Variants in PEAK1 observed in about 807,000 individuals in gnomAD.
The protein encoded by PEAK1 is pseudopodium enriched atypical kinase 1, also known as inactive tyrosine-protein kinase PEAK1.
PEAK1 carries 54 observed loss-of-function variants against 124.7 expected under a neutral mutation model. The ratio of observed to expected loss-of-function variants is 0.43; its 90% CI spans 0.35 to 0.54. The LOEUF is 0.54. Among genes scored for constraint, PEAK1 ranks in the 20% least tolerant of loss-of-function variants. PEAK1 has a pLI of 0.01. For synonymous variants in PEAK1, 719 were observed against 760.0 expected, an observed-to-expected ratio of 0.95 and a Z score of 0.89; for missense variants, 2,046 against 2,134.5, an observed-to-expected ratio of 0.96 and a Z score of 0.82.
chr15:77,388,005 T>C (rs1335030677), intron 1 of PEAK1, among the ~76,000 whole-genome samples: 1 of 151,946 alleles, frequency 6.6e-6, no homozygotes, highest in Admixed American at 6.6e-5. Flanking sequence ...TGTTAGCAAG[T>C]GGGTATACTT....
intron 1 of PEAK1, among the ~76,000 whole-genome samples, chr15:77,376,513 A>G (rs1233289286): frequency 1.3e-5 from 2 of 152,158 alleles, no homozygotes; most frequent in Non-Finnish European, 2.9e-5. Flanking sequence ...CTCCTAAGAG[A>G]AGGTCTAACA....
chr15:77,327,476 T>C (rs2153027120), intron 2 of PEAK1, among the ~76,000 whole-genome samples: 1 of 152,186 alleles, frequency 6.6e-6, no homozygotes, highest in African/African-American at 2.4e-5. Flanking sequence ...AACACTCATA[T>C]TTCATGTAAA....
In PEAK1 at chr15:77,148,815, G is replaced by A. The variant is rs535715620; in HGVS notation, c.3331+9688C>T. Among the ~76,000 whole-genome samples the A allele has an allele frequency of 6.8e-4, 103 of 152,170 alleles. 1 individual carries two copies. Among genetic ancestry groups the A allele is most frequent in the African/African-American group, 2.4e-3 (101 of 41,524 alleles). ...TGCACGCCTGTAGACCCAGCTACTC[G>A]GGAGGCTGGGAAGGGAGGACTGCTT... On this transcript the variant is annotated intron_variant, in intron 8 of 9. Transcript: ENST00000682557.
intron 1 of PEAK1, among the ~76,000 whole-genome samples, chr15:77,395,376 G>A (rs1376430823): frequency 1.3e-5 from 2 of 152,104 alleles, no homozygotes; most frequent in Non-Finnish European, 2.9e-5. Context: ...GAGAGGGGCA[G>A]GGATAGAAAG....
chr15:77,122,010 C>G (rs1328290003), intron 9 of PEAK1, among the ~76,000 whole-genome samples: 1 of 152,194 alleles, frequency 6.6e-6, no homozygotes, highest in South Asian at 2.1e-4. Context: ...AGAATACAGG[C>G]TGATCAGTGA....
chr15:77,298,197 A>ATTATTTTTTTTTT (rs2063601443), intron 2 of PEAK1, among the ~76,000 whole-genome samples: 2 of 37,804 alleles, frequency 5.3e-5, no homozygotes, highest in African/African-American at 2.7e-4. Context: ...GGTATCCTTA[A>ATTATTTTTTTTTT]TTTTTTTTTT....
At chr15:77,336,725 T>C (rs2066223863) in intron 2 of PEAK1, among the ~76,000 whole-genome samples, 1 of 152,164 alleles carries the variant, frequency 6.6e-6, no homozygotes, top group Non-Finnish European at 1.5e-5. Flanking sequence ...TAATGGCACA[T>C]GGAGTTGAAT....
chr15:77,324,704 A>T (rs1053150022), intron 2 of PEAK1, among the ~76,000 whole-genome samples: 1 of 152,166 alleles, frequency 6.6e-6, no homozygotes, highest in East Asian at 1.9e-4. Context: ...ACATGGCAAA[A>T]GCAGGAGCAA....
At chr15:77,335,698 C>G (rs2066157143) in intron 2 of PEAK1, 1 of 869,974 alleles carries the variant, frequency 1.1e-6, no homozygotes, top group African/African-American at 1.8e-5. Context: ...CCCATGTTGC[C>G]CAGGCTGGTC....
At chr15:77,225,629 A>ATGTGTG (rs146458404) in intron 6 of PEAK1, among the ~76,000 whole-genome samples, 8,647 of 115,646 alleles carry the variant, frequency 0.075, 404 homozygotes, top group Non-Finnish European at 0.1. Flanking sequence ...CTTTCTACAG[A>ATGTGTG]TGTGTGTGTG....
Position 77,293,209 on chromosome 15 carries a change from G to A in PEAK1, c.-602-6705C>T, listed in dbSNP as rs911133628. On this transcript the variant is annotated intron_variant, in intron 2 of 9. Coordinates refer to ENST00000682557, the MANE Select transcript of PEAK1 (RefSeq NM_001385026.1). ...TGCCTTTCTAATTACTTGAACCATT[G>A]GCAGTTTACTGCCTTCCCTCTTTAT... Among the ~76,000 whole-genome samples, 8 of 152,180 alleles carry A rather than the reference G, an allele frequency of 5.3e-5. No homozygotes were observed. In the East Asian group the frequency reaches 1.5e-3, roughly 29 times the overall value.
intron 2 of PEAK1, among the ~76,000 whole-genome samples, chr15:77,329,483 A>G (rs2065774779): frequency 6.6e-6 from 1 of 152,198 alleles, no homozygotes; most frequent in Admixed American, 6.5e-5. Context: ...CCTCTCTGCC[A>G]ACCAGCATGC....
At chr15:77,213,480 C>T (rs113267384) in intron 6 of PEAK1, among the ~76,000 whole-genome samples, 3 of 151,946 alleles carry the variant, frequency 2.0e-5, no homozygotes, top group East Asian at 3.9e-4. Flanking sequence ...CACGAAGACA[C>T]GAGTTCAAGA....
In PEAK1 at chr15:77,286,523, T is replaced by A. The variant is rs928855366; in HGVS notation, c.-602-19A>T. On this transcript the variant is annotated intron_variant, in intron 2 of 9. Transcript: ENST00000682557. ...TCTTTTCCTATTAGAAGATGCAAAGTGGGGAAGATATATTAATAAAGGGCA... is the reference window on the plus strand; with the variant it reads ...TCTTTTCCTATTAGAAGATGCAAAGAGGGGAAGATATATTAATAAAGGGCA... The A allele has an allele frequency of 8.5e-7, 1 of 1,173,638 alleles. No homozygotes were observed. 72.7% of individuals were successfully genotyped at this position (1,173,638 alleles called of 1,614,324 possible). A position where few individuals can be genotyped will look rare whatever the true frequency, so the allele number is the denominator to read the frequency against.
intron 2 of PEAK1, among the ~76,000 whole-genome samples, chr15:77,311,198 G>A (rs1185950535): frequency 6.6e-6 from 1 of 152,184 alleles, no homozygotes; most frequent in East Asian, 1.9e-4. Flanking sequence ...TCTCCCATAT[G>A]ATAACTGCCA....
At chr15:77,316,517 G>A (rs1430234359) in intron 2 of PEAK1, among the ~76,000 whole-genome samples, 3 of 152,120 alleles carry the variant, frequency 2.0e-5, no homozygotes, top group African/African-American at 7.2e-5. Context: ...ATAGCTCCCT[G>A]TACTGCTCTT....
rs1013369425 is a variant in PEAK1, at chr15:77,350,506, A to C, written c.-603+14657T>G. On this transcript the variant is annotated intron_variant, in intron 2 of 9. Coordinates refer to ENST00000682557, the MANE Select transcript of PEAK1 (RefSeq NM_001385026.1). Reference sequence around the variant, plus strand: ...TTGTCTGTCTTCTAAGAATTTTTTAAGCTACATTTGAAAAAACATGATAAT... The same window carrying C: ...TTGTCTGTCTTCTAAGAATTTTTTACGCTACATTTGAAAAAACATGATAAT... 5.8e-5 allele frequency: 57 copies of C among 984,376 alleles called. No individual in the cohort carries two copies. The African/African-American group carries it at 9.6e-4, about 17-fold the overall frequency. The allele number at this position is 984,376 out of a possible 1,614,324, so 61.0% of individuals were successfully genotyped here. A position where few individuals can be genotyped will look rare whatever the true frequency, so the allele number is the denominator to read the frequency against.
At chr15:77,405,398 A>G (rs1034723997) in intron 1 of PEAK1, among the ~76,000 whole-genome samples, 11 of 152,204 alleles carry the variant, frequency 7.2e-5, no homozygotes, top group African/African-American at 2.4e-4. Flanking sequence ...GGATGGTAGC[A>G]TGACAGATTT....
At chr15:77,388,686 G>A (rs1250214761) in intron 1 of PEAK1, among the ~76,000 whole-genome samples, 1 of 151,320 alleles carries the variant, frequency 6.6e-6, no homozygotes, top group Non-Finnish European at 1.5e-5. Context: ...ATTGTTTTCT[G>A]TTAAATATAC....
Sources: allele counts gnomAD v4.1 joint callset (sites outside exome capture counted in the v4.1 genomes callset), GRCh38; gene constraint gnomAD v4.1.1; transcripts MANE v1.5; gene names NCBI Gene and HGNC (gene_info 2026-07-23, HGNC 2026-07-21).